Variants in INVS observed in about 807,000 individuals in gnomAD.
INVS encodes the protein inversion of embryo turning homolog.
In INVS, 86 loss-of-function variants were observed where a neutral mutation model predicts 108.8. The observed-to-expected ratio is 0.79, with a 90% CI of 0.66 to 0.95. The LOEUF is 0.95. Among genes scored for constraint, INVS ranks in the 40% least tolerant of loss-of-function variants. INVS has a pLI of 0.00. For synonymous variants in INVS, 455 were observed against 473.5 expected (o/e 0.96, Z 0.51); for missense variants, 1,169 against 1,297.4 (o/e 0.90, Z 1.52).
chr9:100,136,297 A>G (rs897736499), intron 3 of INVS, among the ~76,000 whole-genome samples: 5 of 152,232 alleles, frequency 3.3e-5, no homozygotes, highest in Non-Finnish European at 7.3e-5. Context: ...AAAATTTTTA[A>G]TAAATAATAA....
chr9:100,298,778 T>G (rs915653198), intron 16 of INVS, among the ~76,000 whole-genome samples: 2 of 152,088 alleles, frequency 1.3e-5, no homozygotes, highest in Non-Finnish European at 2.9e-5. Context: ...CTTTAATAAG[T>G]GTTGGACAAC....
At chr9:100,169,309 A>G (rs1829464021) in intron 3 of INVS, among the ~76,000 whole-genome samples, 1 of 152,166 alleles carries the variant, frequency 6.6e-6, no homozygotes, top group Admixed American at 6.5e-5. Flanking sequence ...CTCAGTCCCA[A>G]AATGTTTTTG....
At chr9:100,177,340 C>G (rs1271629780) in intron 3 of INVS, among the ~76,000 whole-genome samples, 2 of 152,184 alleles carry the variant, frequency 1.3e-5, no homozygotes, top group African/African-American at 4.8e-5. Flanking sequence ...CAGCAGATCC[C>G]ACTCCCACGG....
intron 3 of INVS, among the ~76,000 whole-genome samples, chr9:100,140,387 G>T (rs1007896966): frequency 6.6e-6 from 1 of 152,142 alleles, no homozygotes; most frequent in Non-Finnish European, 1.5e-5. Flanking sequence ...GGGGTCACAA[G>T]GTGCTCAGTA....
intron 13 of INVS, among the ~76,000 whole-genome samples, chr9:100,286,510 C>T (rs945826778): frequency 4.6e-5 from 7 of 152,196 alleles, no homozygotes; most frequent in African/African-American, 1.7e-4. Context: ...CACTGCACTC[C>T]AGCCTGGGTG....
intron 3 of INVS, among the ~76,000 whole-genome samples, chr9:100,220,835 G>T (rs1359025284): frequency 6.6e-6 from 1 of 152,088 alleles, no homozygotes; most frequent in Non-Finnish European, 1.5e-5. Flanking sequence ...GATTTACCAG[G>T]CTTGGTGGCA....
chr9:100,227,233 A>G (rs1831356090), intron 4 of INVS, among the ~76,000 whole-genome samples: 1 of 152,220 alleles, frequency 6.6e-6, no homozygotes. Flanking sequence ...GTGGCTTTTT[A>G]AAAATCTGCA....
chr9:100,193,183 T>C (rs1449153940), intron 3 of INVS, among the ~76,000 whole-genome samples: 1 of 152,110 alleles, frequency 6.6e-6, no homozygotes, highest in Non-Finnish European at 1.5e-5. Flanking sequence ...TGTCGCTATG[T>C]TGCCCAGGCT....
At chr9:100,258,469 T>G (rs953121526) in intron 10 of INVS, among the ~76,000 whole-genome samples, 1 of 152,212 alleles carries the variant, frequency 6.6e-6, no homozygotes, top group Non-Finnish European at 1.5e-5. Flanking sequence ...CTGTGTTCCT[T>G]TGAAGGAGAA....
At chr9:100,285,205 T>C (rs1431386612) in intron 13 of INVS, among the ~76,000 whole-genome samples, 2 of 152,228 alleles carry the variant, frequency 1.3e-5, no homozygotes, top group Admixed American at 1.3e-4. Context: ...GAATTCAGGG[T>C]TGGCAGTTCT....
intron 3 of INVS, among the ~76,000 whole-genome samples, chr9:100,135,272 C>T (rs991664368): frequency 7.2e-5 from 11 of 152,162 alleles, no homozygotes; most frequent in African/African-American, 2.2e-4. Flanking sequence ...GTTAAGCACT[C>T]AGGTCAAATT....
chr9:100,124,357 A>T (rs979771432), intron 2 of INVS, among the ~76,000 whole-genome samples: 13 of 152,130 alleles, frequency 8.5e-5, no homozygotes, highest in African/African-American at 3.1e-4. Context: ...AATCACCTCT[A>T]CATAAACTGA....
chr9:100,253,912 A>G (rs1397199464), intron 10 of INVS, among the ~76,000 whole-genome samples: 1 of 152,094 alleles, frequency 6.6e-6, no homozygotes, highest in Admixed American at 6.6e-5. Context: ...ATGATTTATA[A>G]TCCTTTGGGT....
At chr9:100,236,931 C>T (rs768849531) in intron 5 of INVS, among the ~76,000 whole-genome samples, 1 of 152,188 alleles carries the variant, frequency 6.6e-6, no homozygotes, top group Non-Finnish European at 1.5e-5. Context: ...CAGGCAGGAA[C>T]ATTTAAGTCT....
chr9:100,240,016 G>T, intron 5 of INVS, 44 bp from the exon 6 acceptor site: 1 of 1,504,256 alleles, frequency 6.6e-7, no homozygotes, highest in South Asian at 1.1e-5. Flanking sequence ...GTAATTTATT[G>T]AGGATTCCAT....
intron 8 of INVS, among the ~76,000 whole-genome samples, chr9:100,249,972 G>A (rs958689509): frequency 2.0e-5 from 3 of 151,774 alleles, no homozygotes; most frequent in African/African-American, 2.4e-5. Context: ...GGGTGTGGTG[G>A]TACACGCCTA....
intron 5 of INVS, among the ~76,000 whole-genome samples, chr9:100,237,848 C>T (rs190291122): frequency 6.6e-6 from 1 of 151,086 alleles, no homozygotes; most frequent in Non-Finnish European, 1.5e-5. Flanking sequence ...ATAGATCTTT[C>T]GGTGGTCAAC....
chr9:100,244,435 TG>T (rs1349518151), intron 7 of INVS, among the ~76,000 whole-genome samples: 6 of 152,168 alleles, frequency 3.9e-5, no homozygotes, highest in African/African-American at 1.4e-4. Flanking sequence ...TTAAATGACT[TG>T]CTCATGGTCT....
At chr9:100,185,903 A>AT (rs886481682) in intron 3 of INVS, among the ~76,000 whole-genome samples, 5 of 152,146 alleles carry the variant, frequency 3.3e-5, no homozygotes, top group Admixed American at 6.5e-5. Flanking sequence ...GCTGAGTAGT[A>AT]TGCCATTGTA....
Sources: allele counts gnomAD v4.1 joint callset (sites outside exome capture counted in the v4.1 genomes callset), GRCh38; gene constraint gnomAD v4.1.1; transcripts MANE v1.5; gene names NCBI Gene and HGNC (gene_info 2026-07-23, HGNC 2026-07-21).